TUBGCP5: variants seen among roughly 807,000 people sequenced by gnomAD.
The protein encoded by TUBGCP5 is gamma-tubulin complex component 5.
A neutral mutation model predicts 134.7 loss-of-function variants in TUBGCP5; 98 were observed. That is an observed-to-expected ratio of 0.73 (90% CI 0.62 to 0.86). The LOEUF (loss-of-function observed/expected upper bound fraction) is 0.86, where lower values mean the gene tolerates loss of function less well. Ranked by LOEUF, TUBGCP5 falls within the 40% of genes least tolerant of loss-of-function variation. The pLI is 0.00. For missense variants in TUBGCP5, 1,150 were observed against 1,244.8 expected (o/e 0.92, Z 1.15); for synonymous variants, 456 against 431.4 (o/e 1.06, Z -0.71).
intron 23 of TUBGCP5, among the ~76,000 whole-genome samples, chr15:22,990,832 G>A (rs1390676413): frequency 6.6e-6 from 1 of 152,202 alleles, no homozygotes; most frequent in East Asian, 1.9e-4. Flanking sequence ...GAGACACGCA[G>A]AGAACAGACC....
intron 9 of TUBGCP5, 71 bp from the exon 10 acceptor site, chr15:23,024,264 C>T (rs2065874404): frequency 1.2e-5 from 19 of 1,534,008 alleles, no homozygotes; most frequent in Non-Finnish European, 1.6e-5. Context: ...TTCCCTCTCG[C>T]TGTAAAATAC....
intron 21 of TUBGCP5, among the ~76,000 whole-genome samples, chr15:23,001,585 C>T (rs143757412): frequency 1.8e-4 from 28 of 152,126 alleles, no homozygotes; most frequent in African/African-American, 4.1e-4. Context: ...TCAGGAGATC[C>T]GCCCACCTCA....
In TUBGCP5 at chr15:23,032,795, A is replaced by G; in HGVS notation, c.339T>C (p.Leu113=). ...AAGGAGAGTCTGACAGACACAGAAG[A>G]AGTGACAGTATGGAATAATGTGCAT... ...KTDAHYSILS[L]LLCLSDSPSN... is the part of the protein sequence containing the mutation. The change falls in exon 4 of 23, where the codon CTT becomes CTC. Residue 113 remains leucine (L), a synonymous_variant. Coordinates refer to ENST00000615383, the MANE Select transcript of TUBGCP5 (RefSeq NM_052903.6). The G allele has an allele frequency of 6.3e-7, 1 of 1,593,544 alleles. No individual in the cohort carries two copies. The highest frequency in any genetic ancestry group is 8.5e-7 in the Non-Finnish European group (1 of 1,172,988).
intron 15 of TUBGCP5, among the ~76,000 whole-genome samples, chr15:23,009,504 G>C (rs1312036119): frequency 2.0e-5 from 3 of 152,002 alleles, no homozygotes; most frequent in Non-Finnish European, 4.4e-5. Flanking sequence ...TCCTGATCTC[G>C]TGATCCTCCC....
chr15:22,989,543 T>C lies in TUBGCP5; in HGVS notation c.*62-5932A>G, dbSNP rs1238972200. Among the ~76,000 whole-genome samples the C allele has an allele frequency of 3.3e-5, 5 of 152,172 alleles. No homozygotes were observed. The East Asian group carries it at 5.8e-4, about 18-fold the overall frequency. The stretch of plus-strand genomic sequence containing the variant: ...GTCTTGGTCTGTCTTTTTAAATTTA[T>C]GATTTATTTATTTATCTAGAGACAG... On this transcript the variant is annotated intron_variant and NMD_transcript_variant, in intron 23 of 23. Transcript: ENST00000614508.
chr15:23,027,581 C>T (rs1194638027), intron 6 of TUBGCP5, among the ~76,000 whole-genome samples: 1 of 151,590 alleles, frequency 6.6e-6, no homozygotes, highest in African/African-American at 2.4e-5. Flanking sequence ...GTATGACCCC[C>T]CATCTCCACA....
intron 11 of TUBGCP5, 83 bp downstream of exon 11, chr15:23,021,876 C>T (rs941239627): frequency 7.2e-7 from 1 of 1,386,328 alleles, no homozygotes; most frequent in South Asian, 1.2e-5. Context: ...ATTCAAGTAT[C>T]AACAAAGAAC....
At chr15:22,999,974 A>T in intron 22 of TUBGCP5, 108 bp from the exon 23 acceptor site, 1 of 1,006,968 alleles carries the variant, frequency 9.9e-7, no homozygotes, top group Non-Finnish European at 1.5e-6. Flanking sequence ...GCAATGGTAC[A>T]ATCTCAGCTC....
chr15:22,985,816 CAG>C (rs1355771492), intron 23 of TUBGCP5, among the ~76,000 whole-genome samples: 2 of 151,594 alleles, frequency 1.3e-5, no homozygotes, highest in African/African-American at 2.4e-5. Context: ...GCCTGGGCGA[CAG>C]AGTGAGACTC....
intron 11 of TUBGCP5, among the ~76,000 whole-genome samples, chr15:23,021,691 T>G (rs1043470873): frequency 1.3e-5 from 2 of 152,240 alleles, no homozygotes; most frequent in Non-Finnish European, 2.9e-5. Flanking sequence ...TTAGTGTTTA[T>G]GTAAGAAAGC....
At chr15:22,988,940 G>A (rs1346776719) in intron 23 of TUBGCP5, among the ~76,000 whole-genome samples, 1 of 151,736 alleles carries the variant, frequency 6.6e-6, no homozygotes, top group Non-Finnish European at 1.5e-5. Context: ...CTCCATATTG[G>A]TGTAGAGGCC....
At position 23,026,118 on chromosome 15, in the gene TUBGCP5, T is replaced by G; in HGVS notation, c.825A>C (p.Leu275=). 1 of 1,606,258 alleles carries G rather than the reference T, an allele frequency of 6.2e-7. No homozygotes were observed. Among genetic ancestry groups the G allele is most frequent in the South Asian group, 1.1e-5 (1 of 89,052 alleles). ...TTAATTAAATGAACATTTCTTACCATAGGGTTTCCCGAATAACCTGAGTCT... is the reference window on the plus strand; with the variant it reads ...TTAATTAAATGAACATTTCTTACCAGAGGGTTTCCCGAATAACCTGAGTCT... ...VTETQVIRET[L]WLLSGVKKLF... is the part of the protein sequence containing the mutation. The change falls in exon 8 of 23, where the codon CTA becomes CTC. Residue 275 remains leucine (L), a splice_region_variant and synonymous_variant. Coordinates refer to ENST00000615383, the MANE Select transcript of TUBGCP5 (RefSeq NM_052903.6).
chr15:23,032,084 A>G, intron 4 of TUBGCP5, 55 bp from the exon 5 acceptor site: 1 of 1,359,866 alleles, frequency 7.4e-7, no homozygotes, highest in South Asian at 1.3e-5. Flanking sequence ...TTTGAAAAAA[A>G]ACCTCAAAAC....
intron 23 of TUBGCP5, among the ~76,000 whole-genome samples, chr15:22,989,102 C>T (rs538097084): frequency 7.0e-4 from 107 of 152,234 alleles, no homozygotes; most frequent in African/African-American, 2.5e-3. Context: ...GTGACGACAT[C>T]CCCAGATAAT....
chr15:23,025,396 A>G (rs2065926405), intron 8 of TUBGCP5, among the ~76,000 whole-genome samples: 1 of 152,188 alleles, frequency 6.6e-6, no homozygotes, highest in Non-Finnish European at 1.5e-5. Context: ...CCTATTTCTA[A>G]GAATGCGAGC....
intron 11 of TUBGCP5, 141 bp from the exon 12 acceptor site, chr15:23,019,475 A>G: frequency 3.1e-6 from 2 of 652,284 alleles, no homozygotes; most frequent in East Asian, 5.5e-5. Context: ...TAAAAATCCA[A>G]AAACATACAC....
chr15:22,997,527 G>C (rs1351508845), downstream of TUBGCP5, among the ~76,000 whole-genome samples: 1 of 151,970 alleles, frequency 6.6e-6, no homozygotes, highest in Non-Finnish European at 1.5e-5. Flanking sequence ...CAAGTTTGTA[G>C]TGTTAATTTC....
Position 23,031,087 on chromosome 15 carries a change from G to C in TUBGCP5, c.487-67C>G, listed in dbSNP as rs184322361. On this transcript the variant is annotated intron_variant, in intron 5 of 22. Transcript: ENST00000615383. ...ACACTTAAAGCTATTTACATTAAAA[G>C]ACTAAGAAAACTTTGAAGAAAAGCA... is the stretch of plus-strand genomic sequence containing the variant. The C allele has an allele frequency of 1.1e-5, 15 of 1,418,588 alleles. 1 individual carries two copies. The East Asian group carries it at 3.8e-4, about 36-fold the overall frequency. 87.9% of individuals were successfully genotyped at this position (1,418,588 alleles called of 1,614,324 possible). A position where few individuals can be genotyped will look rare whatever the true frequency, so the allele number is the denominator to read the frequency against.
chr15:23,009,480 G>C (rs1237336284), intron 15 of TUBGCP5, among the ~76,000 whole-genome samples: 4 of 152,006 alleles, frequency 2.6e-5, no homozygotes, highest in Non-Finnish European at 5.9e-5. Context: ...GTGTTAGCCA[G>C]GATGCTCTCG....
Sources: gnomAD v4.1 joint callset for allele counts (sites outside exome capture counted in the v4.1 genomes callset) on GRCh38, gnomAD v4.1.1 for gene constraint, MANE v1.5 for transcripts, NCBI Gene and HGNC (gene_info 2026-07-23, HGNC 2026-07-21) for gene names.